Variants in PLXDC2 observed in about 807,000 individuals in gnomAD.
The protein encoded by PLXDC2 is plexin domain containing 2.
In PLXDC2, 40 loss-of-function variants were observed where a neutral mutation model predicts 68.9. The ratio of observed to expected loss-of-function variants is 0.58; its 90% CI spans 0.45 to 0.76. PLXDC2 has a LOEUF of 0.76. Among genes scored for constraint, PLXDC2 ranks in the 30% least tolerant of loss-of-function variants. PLXDC2 has a pLI of 0.00. For missense variants in PLXDC2, 644 were observed against 661.9 expected (o/e 0.97, Z 0.30); for synonymous variants, 243 against 234.2 (o/e 1.04, Z -0.34).
intron 1 of PLXDC2, among the ~76,000 whole-genome samples, chr10:19,883,883 A>ATTTTTTTTTTTT (rs1564618531): frequency 4.8e-5 from 2 of 41,906 alleles, no homozygotes; most frequent in African/African-American, 3.0e-4. Context: ...ATCCCTTTAA[A>ATTTTTTTTTTTT]CTTTTTTTTT....
At position 20,135,343 on chromosome 10, in the gene PLXDC2, C is replaced by T. The variant is rs559369841; in HGVS notation, c.542-7952C>T. ...CATAGTCTGCAGTCTAGAAATGGTT[C>T]TGAATGAACCCATATCTAGAAATCC... On this transcript the variant is annotated intron_variant, in intron 4 of 13. Coordinates refer to ENST00000377252, the MANE Select transcript of PLXDC2 (RefSeq NM_032812.9). 5.3e-5 allele frequency among the ~76,000 whole-genome samples: 8 copies of T among 152,298 alleles called. No individual in the cohort carries two copies. The South Asian group carries it at 1.2e-3, about 24-fold the overall frequency.
At chr10:20,128,670 C>CAG (rs1833825000) in intron 4 of PLXDC2, among the ~76,000 whole-genome samples, 1 of 152,106 alleles carries the variant, frequency 6.6e-6, no homozygotes, top group African/African-American at 2.4e-5. Context: ...ACCCTATCCC[C>CAG]CCACTTCTAG....
At chr10:20,218,938 C>T (rs1029644081) in intron 11 of PLXDC2, 126 bp from the exon 12 acceptor site, 6 of 1,026,844 alleles carry the variant, frequency 5.8e-6, no homozygotes, top group Non-Finnish European at 7.0e-6. Flanking sequence ...GAAATTACCA[C>T]AATAAATTAT....
At chr10:20,152,443 T>A (rs1834164457) in intron 6 of PLXDC2, among the ~76,000 whole-genome samples, 1 of 152,162 alleles carries the variant, frequency 6.6e-6, no homozygotes, top group Non-Finnish European at 1.5e-5. Flanking sequence ...TTTGAAATTC[T>A]GTTTTAAATT....
intron 13 of PLXDC2, among the ~76,000 whole-genome samples, chr10:20,256,980 G>A (rs747852479): frequency 1.3e-5 from 2 of 152,158 alleles, no homozygotes; most frequent in African/African-American, 2.4e-5. Context: ...TTAGAGGATC[G>A]TAGCCTCAAC....
rs867275453 is a variant in PLXDC2 at position 20,277,238 on chromosome 10, T to C, written c.1474-2465T>C. 9.9e-3 allele frequency among the ~76,000 whole-genome samples: 1,272 copies of C among 128,474 alleles called. 16 individuals carry two copies. Among genetic ancestry groups the C allele is most frequent in the African/African-American group, 0.035 (1,206 of 34,300 alleles). The allele number at this position is 128,474 out of a possible 152,430, so 84.3% of individuals were successfully genotyped here. ...AAAAAAAAAAAAAAAAAAAAAAGAG[T>C]CCCATTCTTTTCATTTATAAAGAAT... On this transcript the variant is annotated intron_variant, in intron 13 of 13. Coordinates refer to ENST00000377252, the MANE Select transcript of PLXDC2 (RefSeq NM_032812.9).
At chr10:20,120,591 G>A (rs1833683816) in intron 4 of PLXDC2, among the ~76,000 whole-genome samples, 1 of 152,132 alleles carries the variant, frequency 6.6e-6, no homozygotes, top group African/African-American at 2.4e-5. Context: ...GACCCTGTAG[G>A]AAAGGCCTCT....
intron 4 of PLXDC2, among the ~76,000 whole-genome samples, chr10:20,139,270 G>T (rs1833970688): frequency 6.6e-6 from 1 of 152,200 alleles, no homozygotes; most frequent in Non-Finnish European, 1.5e-5. Context: ...GAGTGGCCGT[G>T]TATTCGCTAT....
At chr10:20,237,346 T>TA (rs577420665) in intron 12 of PLXDC2, among the ~76,000 whole-genome samples, 230 of 151,926 alleles carry the variant, frequency 1.5e-3, no homozygotes, top group African/African-American at 5.1e-3. Context: ...GTAAGCATTT[T>TA]AAAAAAAATA....
Position 19,925,223 on chromosome 10 carries a change from G to C in PLXDC2, c.113-76552G>C, listed in dbSNP as rs142334413. Among the ~76,000 whole-genome samples, 695 of 151,400 alleles carry C rather than the reference G, an allele frequency of 4.6e-3. 3 individuals carry two copies. The highest frequency in any genetic ancestry group is 0.016 in the African/African-American group (669 of 41,486). ...GCAGCTCAGCTGGAACCAGGAGGCA[G>C]CAGAAGGCATGGAGAGCCTGCATGG... On this transcript the variant is annotated intron_variant, in intron 1 of 13. Transcript: ENST00000377252.
intron 3 of PLXDC2, among the ~76,000 whole-genome samples, chr10:20,054,715 A>AG (rs1489577680): frequency 2.6e-5 from 4 of 151,966 alleles, no homozygotes. Context: ...AGGTGGGGTG[A>AG]GGGGGGAGGG....
chr10:20,040,302 G>A (rs924197721), intron 2 of PLXDC2, among the ~76,000 whole-genome samples: 11 of 151,998 alleles, frequency 7.2e-5, no homozygotes, highest in Admixed American at 3.9e-4. Context: ...ACAGATTTTC[G>A]CTGACTCAAG....
intron 1 of PLXDC2, among the ~76,000 whole-genome samples, chr10:19,982,614 G>T (rs1834570266): frequency 6.6e-6 from 1 of 152,126 alleles, no homozygotes; most frequent in Non-Finnish European, 1.5e-5. Context: ...TAGAAAACAT[G>T]CTCACTAGCT....
At chr10:20,275,635 G>A (rs1348241143) in intron 13 of PLXDC2, among the ~76,000 whole-genome samples, 2 of 152,108 alleles carry the variant, frequency 1.3e-5, no homozygotes, top group African/African-American at 2.4e-5. Flanking sequence ...AGGAAGGGTC[G>A]GGCGCTTTGG....
At chr10:20,003,668 G>C (rs1247724286) in intron 2 of PLXDC2, among the ~76,000 whole-genome samples, 1 of 152,148 alleles carries the variant, frequency 6.6e-6, no homozygotes, top group Non-Finnish European at 1.5e-5. Context: ...CTGACCTCAA[G>C]TGATCAACCT....
chr10:20,137,956 G>T (rs927328218), intron 4 of PLXDC2, among the ~76,000 whole-genome samples: 1 of 152,168 alleles, frequency 6.6e-6, no homozygotes, highest in Non-Finnish European at 1.5e-5. Context: ...TCCAGGGTTG[G>T]TACTTGCCTC....
At chr10:20,212,108 A>T (rs917117477) in intron 10 of PLXDC2, among the ~76,000 whole-genome samples, 16 of 151,924 alleles carry the variant, frequency 1.1e-4, no homozygotes, top group African/African-American at 3.9e-4. Context: ...GGGAGGGGTG[A>T]AGTGTGGGTT....
chr10:20,045,825 T>C (rs1027693465), intron 2 of PLXDC2, among the ~76,000 whole-genome samples: 3 of 152,166 alleles, frequency 2.0e-5, no homozygotes, highest in Admixed American at 1.3e-4. Flanking sequence ...AAATATTTTT[T>C]GTCTACTAAC....
chr10:20,196,583 A>G (rs762440731), intron 9 of PLXDC2, among the ~76,000 whole-genome samples: 2 of 152,160 alleles, frequency 1.3e-5, no homozygotes, highest in Non-Finnish European at 1.5e-5. Flanking sequence ...AGCTTGCTGT[A>G]GATACCACCC....
Sources: gnomAD v4.1 joint callset for allele counts (sites outside exome capture counted in the v4.1 genomes callset) on GRCh38, gnomAD v4.1.1 for gene constraint, MANE v1.5 for transcripts, NCBI Gene and HGNC (gene_info 2026-07-23, HGNC 2026-07-21) for gene names.